LRP1: variants seen among roughly 807,000 people sequenced by gnomAD.
LRP1 encodes the protein prolow-density lipoprotein receptor-related protein 1.
In LRP1, 51 loss-of-function variants were observed where a neutral mutation model predicts 541.5. The observed-to-expected ratio is 0.09, with a 90% CI of 0.08 to 0.12. The LOEUF (loss-of-function observed/expected upper bound fraction) is 0.12. Ranked by LOEUF, LRP1 falls within the 10% of genes least tolerant of loss-of-function variation. The pLI is 1.00. For missense variants in LRP1, 3,878 were observed against 6,376.2 expected, an observed-to-expected ratio of 0.61 and a Z score of 13.34; for synonymous variants, 2,219 against 2,470.8, an observed-to-expected ratio of 0.90 and a Z score of 3.02.
At position 57,204,961 on chromosome 12, in the gene LRP1, G is replaced by A; in HGVS notation, c.11195-148G>A. ...GGGCTGCCTGATGCCTTAGGTCTTG[G>A]AGGTGGGGCTGGGAACCCAAATGTT... On this transcript the variant is annotated intron_variant, in intron 72 of 88. Transcript: ENST00000243077. This position sits in a 1 kb window ranked among gnomAD's most constrained non-coding sequence, Gnocchi z 5.3. 2 of 1,359,484 alleles carry A rather than the reference G, an allele frequency of 1.5e-6. No individual in the cohort carries two copies. Among genetic ancestry groups the A allele is most frequent in the South Asian group, 2.8e-5 (2 of 70,500 alleles). The allele number at this position is 1,359,484 out of a possible 1,614,324, so 84.2% of individuals were successfully genotyped here.
In LRP1 at chr12:57,156,095, T is replaced by C; in HGVS notation, c.1229T>C (p.Ile410Thr). 2 of 1,613,542 alleles carry C rather than the reference T, an allele frequency of 1.2e-6. No homozygotes were observed. Among genetic ancestry groups the C allele is most frequent in the African/African-American group, 1.3e-5 (1 of 75,006 alleles). Residue 410 changes from isoleucine (I) to threonine (T), a missense_variant and splice_region_variant, in exon 9 of 89, where the codon ATT (isoleucine) becomes ACT (threonine). By Grantham distance (89) the Ile-to-Thr change is moderately conservative (BLOSUM62 -1). This residue lies in a region of LRP1 where 496 missense variants were observed against 861.0 expected (regional missense o/e 0.58). Transcript: ENST00000243077. The surrounding 1 kb of genome is among the most constrained non-coding windows in gnomAD (Gnocchi z 5.2). ...TCCATTCTTGCCTGCCCGTCTCAGA[T>C]TGAGCACCTGTACGGCCTGACTGTG... The part of the protein sequence containing the change: ...GRQTIIQGIL[I>T]EHLYGLTVFE...
chr12:57,194,543 T>C, intron 49 of LRP1, 34 bp from the exon 50 acceptor site: 1 of 1,612,244 alleles, frequency 6.2e-7, no homozygotes, highest in Non-Finnish European at 8.5e-7. Flanking sequence ...TGGCCTGCGG[T>C]GAGCAGGGCC....
rs1386063445 is a variant in LRP1, at chr12:57,204,624, C to T, written c.11072-3C>T. ...TGGCTCTGTGTCCCCCTGGCTGCTG[C>T]AGCCCGGTTCGTGTGCCCTCCCAAC... On this transcript the variant is annotated splice_region_variant and splice_polypyrimidine_tract_variant and intron_variant, in intron 71 of 88. Coordinates refer to ENST00000243077, the MANE Select transcript of LRP1 (RefSeq NM_002332.3). The surrounding 1 kb of genome is among the most constrained non-coding windows in gnomAD (Gnocchi z 5.3). 6.2e-7 allele frequency: 1 copy of T among 1,613,828 alleles called. No individual in the cohort carries two copies. The highest frequency in any genetic ancestry group is 2.2e-5 in the East Asian group (1 of 44,880).
intron 15 of LRP1, among the ~76,000 whole-genome samples, chr12:57,163,308 A>G (rs531198599): frequency 6.6e-6 from 1 of 152,330 alleles, no homozygotes; most frequent in South Asian, 2.1e-4. Flanking sequence ...GTAAAATAAT[A>G]AATAGTTCCA....
Position 57,183,675 on chromosome 12 carries a change from C to T in LRP1, c.5795-100C>T. 7 of 1,538,480 alleles carry T rather than the reference C, an allele frequency of 4.5e-6. No homozygotes were observed. The highest frequency in any genetic ancestry group is 6.2e-6 in the Non-Finnish European group (7 of 1,132,856). On this transcript the variant is annotated intron_variant, in intron 35 of 88. Coordinates refer to ENST00000243077, the MANE Select transcript of LRP1 (RefSeq NM_002332.3). The surrounding 1 kb of genome is among the most constrained non-coding windows in gnomAD (Gnocchi z 6.1). Reference sequence around the variant, plus strand: ...CCTCCCCTTCAAGCACCTGGCCCCTCCGGCACTCTCTCACCTCTGTCTTGA... The same window carrying T: ...CCTCCCCTTCAAGCACCTGGCCCCTTCGGCACTCTCTCACCTCTGTCTTGA...
chr12:57,203,719 C>T lies in LRP1; in HGVS notation c.10951+198C>T, dbSNP rs369879777. ...ACAAGACACAGGGCCCCTGAATACACATTTTTGTGCGGGTTGTGCCCAGCT... is the reference window on the plus strand; with the variant it reads ...ACAAGACACAGGGCCCCTGAATACATATTTTTGTGCGGGTTGTGCCCAGCT... On this transcript the variant is annotated intron_variant, in intron 70 of 88. Transcript: ENST00000243077. 2.0e-4 allele frequency: 138 copies of T among 680,276 alleles called. No individual in the cohort carries two copies. In the African/African-American group the frequency reaches 2.2e-3, roughly 11 times the overall value. 42.1% of individuals were successfully genotyped at this position (680,276 alleles called of 1,614,324 possible).
In LRP1 at chr12:57,145,247, G is replaced by C. The variant is rs1592606936; in HGVS notation, c.598G>C (p.Val200Leu). The C allele has an allele frequency of 6.2e-7, 1 of 1,614,142 alleles. No homozygotes were observed. The highest frequency in any genetic ancestry group is 8.5e-7 in the Non-Finnish European group (1 of 1,180,016). Residue 200 changes from valine to leucine, a missense_variant, in exon 6 of 89, where the codon GTG becomes CTG. Physicochemically the swap from Val to Leu is conservative, Grantham distance 32 (BLOSUM62 1). Transcript: ENST00000243077. ...AKNEPVDRPP[V>L]LLIANSQNIL... ...CCCAGAGCCAGTAGACCGGCCCCCT[G>C]TGCTGTTGATAGCCAACTCCCAGAA...
In LRP1 at chr12:57,202,471, G is replaced by A. The variant is rs879057829; in HGVS notation, c.10645G>A (p.Val3549Met). 13 of 1,613,512 alleles carry A rather than the reference G, an allele frequency of 8.1e-6. No individual in the cohort carries two copies. Among genetic ancestry groups the A allele is most frequent in the South Asian group, 2.2e-5 (2 of 91,084 alleles). The part of the protein sequence containing the change: ...YQFRCKNNRC[V>M]PGRWQCDYDN... Reference sequence around the variant, plus strand: ...GTTCCGCTGCAAGAACAACCGCTGCGTGCCCGGCCGCTGGCAGTGCGACTA... The same window carrying A: ...GTTCCGCTGCAAGAACAACCGCTGCATGCCCGGCCGCTGGCAGTGCGACTA... The change falls in exon 68 of 89, where the codon GTG becomes ATG. Residue 3549 changes from valine to methionine, a missense_variant. By Grantham distance (21) the Val-to-Met change is conservative (BLOSUM62 1). This residue lies in a region of LRP1 where 278 missense variants were observed against 536.3 expected (regional missense o/e 0.52). Transcript: ENST00000243077.
In LRP1 at chr12:57,156,364, G is replaced by C; in HGVS notation, c.1417+81G>C. The C allele has an allele frequency of 7.1e-7, 1 of 1,417,738 alleles. No individual in the cohort carries two copies. The highest frequency in any genetic ancestry group is 9.6e-7 in the Non-Finnish European group (1 of 1,042,150). The allele number at this position is 1,417,738 out of a possible 1,614,324, so 87.8% of individuals were successfully genotyped here. A position where few individuals can be genotyped will look rare whatever the true frequency, so the allele number is the denominator to read the frequency against. ...GACCTTGGGATCACAGCCCCTCTCT[G>C]GGCCCTCCTGTGGGGACCCTGGCTT... On this transcript the variant is annotated intron_variant, in intron 9 of 88. Coordinates refer to ENST00000243077, the MANE Select transcript of LRP1 (RefSeq NM_002332.3). The surrounding 1 kb of genome is among the most constrained non-coding windows in gnomAD (Gnocchi z 5.2).
chr12:57,194,222 C>A, intron 48 of LRP1, 132 bp from the exon 49 acceptor site: 2 of 1,118,158 alleles, frequency 1.8e-6, no homozygotes, highest in Non-Finnish European at 1.2e-6. Context: ...GCAGATGGTG[C>A]AGACAGTGCC....
rs1207599485 is a variant in LRP1 at position 57,199,395 on chromosome 12, C to T, written c.9860C>T (p.Pro3287Leu). ...CATGTCTTCCATGCCCTGCGCCAGC[C>T]AGACGGTGAGCAGGCAAGGGGTGGG... ...DLHVFHALRQPDVPNHPCKVN... is the reference protein window; with the variant it reads ...DLHVFHALRQLDVPNHPCKVN... Residue 3287 changes from proline (P) to leucine (L), a missense_variant, in exon 61 of 89, where the codon CCA becomes CTA. Around this residue, in one of 13 missense-constraint regions of LRP1, gnomAD observed 1,100 missense variants for 1,827.4 expected, o/e 0.60. Transcript: ENST00000243077. 2 of 1,608,270 alleles carry T rather than the reference C, an allele frequency of 1.2e-6. No individual in the cohort carries two copies. The highest frequency in any genetic ancestry group is 3.3e-5 in the Admixed American group (2 of 59,866).
At position 57,180,844 on chromosome 12, in the gene LRP1, G is replaced by A. The variant is rs757004094; in HGVS notation, c.5527+37G>A. 2.2e-5 allele frequency: 35 copies of A among 1,609,652 alleles called. No individual in the cohort carries two copies. The South Asian group carries it at 3.6e-4, about 17-fold the overall frequency. On this transcript the variant is annotated intron_variant, in intron 33 of 88. Coordinates refer to ENST00000243077, the MANE Select transcript of LRP1 (RefSeq NM_002332.3). ...GCCGGGCGGCCGCTGGGGGCTCAGG[G>A]GCAACAGGGGAGCCGTCCAGAGCTG...
At chr12:57,196,900 A>T (rs921038616) in intron 55 of LRP1, 82 bp from the exon 56 acceptor site, 1 of 1,222,770 alleles carries the variant, frequency 8.2e-7, no homozygotes, top group African/African-American at 1.5e-5. Flanking sequence ...GGTAGAGGGA[A>T]TTGGAGTCTC....
At position 57,175,442 on chromosome 12, in the gene LRP1, T is replaced by C; in HGVS notation, c.3548-18T>C. Reference sequence around the variant, plus strand: ...AGCTTCTGACCCTGGGTCTGTTCCATGCCTGCCCCTCCCCTAGACCAGTGC... The same window carrying C: ...AGCTTCTGACCCTGGGTCTGTTCCACGCCTGCCCCTCCCCTAGACCAGTGC... On this transcript the variant is annotated intron_variant, in intron 22 of 88. Transcript: ENST00000243077. The C allele has an allele frequency of 6.2e-7, 1 of 1,611,558 alleles. No individual in the cohort carries two copies. Among genetic ancestry groups the C allele is most frequent in the Non-Finnish European group, 8.5e-7 (1 of 1,180,004 alleles).
chr12:57,174,972 ACTGCCGACAGG>A (rs1360424873), intron 22 of LRP1, among the ~76,000 whole-genome samples: 4 of 152,130 alleles, frequency 2.6e-5, no homozygotes, highest in Non-Finnish European at 5.9e-5. Context: ...GGCTGGGAGA[ACTGCCGACAGG>A]CTATCAGTCA....
In LRP1 at chr12:57,165,783, C is replaced by A; in HGVS notation, c.2531-22C>A. ...ACGACCGGGGTCTGACTTTCCCCCT[C>A]ACGATCCTGTGGTGCCCACAGCGAA... On this transcript the variant is annotated intron_variant, in intron 15 of 88. Coordinates refer to ENST00000243077, the MANE Select transcript of LRP1 (RefSeq NM_002332.3). The surrounding 1 kb of genome is among the most constrained non-coding windows in gnomAD (Gnocchi z 4.5). 6 of 1,606,052 alleles carry A rather than the reference C, an allele frequency of 3.7e-6. No homozygotes were observed. Among genetic ancestry groups the A allele is most frequent in the Non-Finnish European group, 5.1e-6 (6 of 1,173,072 alleles).
intron 30 of LRP1, 30 bp from the exon 31 acceptor site, chr12:57,180,017 G>A (rs1408605680): frequency 1.9e-6 from 3 of 1,613,694 alleles, no homozygotes; most frequent in Non-Finnish European, 2.5e-6. Context: ...AGAGGACCCT[G>A]ACCTTTCCCT....
At chr12:57,167,623 C>T (rs1300812310) in intron 19 of LRP1, 99 bp downstream of exon 19, 2 of 949,970 alleles carry the variant, frequency 2.1e-6, no homozygotes, top group Admixed American at 3.6e-5. Context: ...CCAGCAGGGC[C>T]TCCCTCCAGG....
chr12:57,136,981 C>G (rs1484118503), intron 1 of LRP1, among the ~76,000 whole-genome samples: 1 of 152,184 alleles, frequency 6.6e-6, no homozygotes, highest in Admixed American at 6.5e-5. Flanking sequence ...GTGGCTCACG[C>G]CTGTAATCCC....
Sources: gnomAD v4.1 joint callset for allele counts (sites outside exome capture counted in the v4.1 genomes callset) on GRCh38, gnomAD v4.1.1 for gene constraint, gnomAD v4.1.1 regional missense constraint, Gnocchi (gnomAD v3.1) non-coding constraint, MANE v1.5 for transcripts, NCBI Gene and HGNC (gene_info 2026-07-23, HGNC 2026-07-21) for gene names.